The following MARCHF7 variants were observed in gnomAD, a reference collection of about 807,000 sequenced individuals.
MARCHF7 encodes the protein E3 ubiquitin-protein ligase MARCHF7.
A neutral mutation model predicts 76.5 loss-of-function variants in MARCHF7; 20 were observed. The ratio of observed to expected loss-of-function variants is 0.26; its 90% CI spans 0.18 to 0.38. The LOEUF (loss-of-function observed/expected upper bound fraction) is 0.38. MARCHF7 is among the 10% of genes least tolerant of loss of function. The probability of loss-of-function intolerance (pLI) is 1.00; values close to 1 mark genes in which losing one functional copy is unlikely to be tolerated. For missense variants in MARCHF7, 797 were observed against 812.9 expected (o/e 0.98, Z 0.24); for synonymous variants, 295 against 293.0 (o/e 1.01, Z -0.07).
intron 3 of MARCHF7, among the ~76,000 whole-genome samples, chr2:159,717,502 A>C (rs998208100): frequency 1.4e-5 from 2 of 139,246 alleles, no homozygotes; most frequent in Non-Finnish European, 3.2e-5. Flanking sequence ...GTATGTTTAA[A>C]ATTTTTCATG....
intron 11 of MARCHF7, among the ~76,000 whole-genome samples, chr2:159,766,025 A>G (rs1560032423): frequency 6.6e-6 from 1 of 152,048 alleles, no homozygotes; most frequent in Admixed American, 6.6e-5. Flanking sequence ...TTTAAAATTT[A>G]GTTTCTTAAA....
In MARCHF7 at chr2:159,748,417, A is replaced by T. The variant is rs755335648; in HGVS notation, c.1127A>T (p.Glu376Val). ...SESDSENFNQ[E>V]SEGRNTGPWL... ...TCAGATTCAGAAAATTTTAACCAAG[A>T]ATCTGAAGGTAGAAATACAGGACCA... The change falls in exon 7 of 12, where the codon GAA (glutamate) becomes GTA (valine). Residue 376 changes from glutamate to valine, a missense_variant. By Grantham distance (121) the Glu-to-Val change is moderately radical. Around this residue, in one of 3 missense-constraint regions of MARCHF7, gnomAD observed 643 missense variants for 631.5 expected, o/e 1.02. Coordinates refer to ENST00000409175, the MANE Select transcript of MARCHF7 (RefSeq NM_001282805.2). The T allele has an allele frequency of 6.8e-6, 11 of 1,614,072 alleles. No homozygotes were observed. The highest frequency in any genetic ancestry group is 1.1e-5 in the South Asian group (1 of 91,082).
rs974781218 is a variant in MARCHF7, at chr2:159,739,306, G to A, written c.154-3755G>A. Among the ~76,000 whole-genome samples, 22 of 152,172 alleles carry A rather than the reference G, an allele frequency of 1.4e-4. 1 individual carries two copies. The highest frequency in any genetic ancestry group is 3.9e-4 in the Admixed American group (6 of 15,274). On this transcript the variant is annotated intron_variant, in intron 4 of 11. Transcript: ENST00000409175. ...TGCAGCCGGCGTCTTTGTGGCAGCC[G>A]CTCCAGATGAACTGCTGCTGCCATC...
chr2:159,717,221 T>C (rs1342789606), intron 3 of MARCHF7, among the ~76,000 whole-genome samples: 1 of 151,798 alleles, frequency 6.6e-6, no homozygotes, highest in East Asian at 1.9e-4. Context: ...AAGACTGGGG[T>C]GGGGAAGTAA....
In MARCHF7 at chr2:159,733,103, A is replaced by G. The variant is rs933329851; in HGVS notation, c.153+3928A>G. ...ATTGTTAACTTTTACTGTTACCATT[A>G]TTATTTCCTGGCTTTACATTGGTTT... On this transcript the variant is annotated intron_variant, in intron 4 of 11. Coordinates refer to ENST00000409175, the MANE Select transcript of MARCHF7 (RefSeq NM_001282805.2). 140 of 564,050 alleles carry G rather than the reference A, an allele frequency of 2.5e-4. 2 individuals are homozygous for G. The highest frequency in any genetic ancestry group is 2.8e-4 in the Non-Finnish European group (138 of 485,660). 34.9% of individuals were successfully genotyped at this position (564,050 alleles called of 1,614,324 possible).
At chr2:159,765,688 C>A (rs1283507686) in intron 11 of MARCHF7, among the ~76,000 whole-genome samples, 1 of 152,084 alleles carries the variant, frequency 6.6e-6, no homozygotes, top group East Asian at 1.9e-4. Flanking sequence ...CTCATAGGAA[C>A]TTTTTAATTC....
At chr2:159,721,272 G>C (rs575710165) in intron 3 of MARCHF7, among the ~76,000 whole-genome samples, 3 of 152,232 alleles carry the variant, frequency 2.0e-5, no homozygotes, top group East Asian at 3.9e-4. Flanking sequence ...GATATCTTCA[G>C]AGTTTCTTAG....
rs374695356 is a variant in MARCHF7, at chr2:159,762,936, C to T, written c.1950C>T (p.Cys650=). ...GLYLVVLLHL[C]EQSFSDMMGN... is the part of the protein sequence containing the mutation. ...ACCTAGTGGTGTTATTGCACTTGTG[C>T]GAACAAAGCTTTTCTGATATGATGG... Residue 650 remains cysteine (C), a synonymous_variant, in exon 10 of 12, where the codon TGC becomes TGT. Coordinates refer to ENST00000409175, the MANE Select transcript of MARCHF7 (RefSeq NM_001282805.2). The T allele has an allele frequency of 8.1e-6, 13 of 1,612,690 alleles. No homozygotes were observed. Among genetic ancestry groups the T allele is most frequent in the Middle Eastern group, 1.6e-4 (1 of 6,080 alleles).
intron 8 of MARCHF7, among the ~76,000 whole-genome samples, chr2:159,752,821 C>A (rs1443544297): frequency 6.6e-6 from 1 of 152,164 alleles, no homozygotes; most frequent in African/African-American, 2.4e-5. Flanking sequence ...AATTTGTGAT[C>A]ACTAGTGTGT....
At position 159,752,584 on chromosome 2, in the gene MARCHF7, CT is replaced by C; in HGVS notation, c.1783+17del. On this transcript the variant is annotated intron_variant, in intron 8 of 11. Coordinates refer to ENST00000409175, the MANE Select transcript of MARCHF7 (RefSeq NM_001282805.2). ...AAAATTAACTCTGGTAAGATTTACC[CT>C]TTTGTGTTTTCACAATTTTTCTAAG... 3 of 1,453,286 alleles carry C rather than the reference CT, an allele frequency of 2.1e-6. No individual in the cohort carries two copies. Among genetic ancestry groups the C allele is most frequent in the Non-Finnish European group, 2.7e-6 (3 of 1,096,320 alleles). 90.0% of individuals were successfully genotyped at this position (1,453,286 alleles called of 1,614,324 possible). A position where few individuals can be genotyped will look rare whatever the true frequency, so the allele number is the denominator to read the frequency against.
chr2:159,733,252 G>A, intron 4 of MARCHF7: 1 of 872,964 alleles, frequency 1.1e-6, no homozygotes, highest in Non-Finnish European at 1.4e-6. Context: ...AAATTATTTA[G>A]TTTTTGAGAC....
chr2:159,751,847 TC>T (rs1303300883), intron 7 of MARCHF7, among the ~76,000 whole-genome samples: 1 of 152,220 alleles, frequency 6.6e-6, no homozygotes, highest in Non-Finnish European at 1.5e-5. Context: ...AAGCATTCTT[TC>T]AAATTTTTTT....
At chr2:159,750,130 T>C (rs1434217139) in intron 7 of MARCHF7, among the ~76,000 whole-genome samples, 2 of 152,334 alleles carry the variant, frequency 1.3e-5, no homozygotes, top group Middle Eastern at 6.8e-3. Context: ...GGTCTCAAAC[T>C]CCTGGCTTCA....
At chr2:159,716,876 G>A (rs1574164293) in intron 3 of MARCHF7, among the ~76,000 whole-genome samples, 1 of 152,158 alleles carries the variant, frequency 6.6e-6, no homozygotes, top group South Asian at 2.1e-4. Flanking sequence ...ATGAATCTTT[G>A]TTCTATGGCT....
intron 4 of MARCHF7, chr2:159,733,591 A>G (rs954993530): frequency 5.1e-6 from 5 of 984,900 alleles, no homozygotes; most frequent in Non-Finnish European, 6.0e-6. Flanking sequence ...TTAACTCACA[A>G]CTCTTGGAGA....
intron 8 of MARCHF7, among the ~76,000 whole-genome samples, chr2:159,755,771 T>C (rs1382568367): frequency 1.3e-5 from 2 of 152,178 alleles, no homozygotes; most frequent in African/African-American, 2.4e-5. Context: ...CATAGTAACA[T>C]AGACAACTAT....
At chr2:159,754,781 A>T (rs1574405641) in intron 8 of MARCHF7, among the ~76,000 whole-genome samples, 1 of 152,150 alleles carries the variant, frequency 6.6e-6, no homozygotes, top group Non-Finnish European at 1.5e-5. Flanking sequence ...TGTTGCTTTG[A>T]TGGGAAGATT....
intron 8 of MARCHF7, among the ~76,000 whole-genome samples, chr2:159,753,638 A>C (rs926365087): frequency 1.3e-5 from 2 of 152,072 alleles, no homozygotes; most frequent in African/African-American, 4.8e-5. Context: ...TTTAAATATG[A>C]TGGGAAGCTG....
intron 3 of MARCHF7, among the ~76,000 whole-genome samples, chr2:159,722,858 ACT>A (rs1701782859): frequency 1.3e-5 from 2 of 152,092 alleles, no homozygotes; most frequent in Non-Finnish European, 1.5e-5. Flanking sequence ...CTCTCAAAGG[ACT>A]CTGCCTCTTT....
Sources: gnomAD v4.1 joint callset for allele counts (sites outside exome capture counted in the v4.1 genomes callset) on GRCh38, gnomAD v4.1.1 for gene constraint, gnomAD v4.1.1 regional missense constraint, MANE v1.5 for transcripts, NCBI Gene and HGNC (gene_info 2026-07-23, HGNC 2026-07-21) for gene names.